The following TANK variants were observed in gnomAD, a reference collection of about 807,000 sequenced individuals.
TANK encodes the protein TRAF family member-associated NF-kappa-B activator.
In TANK, 15 loss-of-function variants were observed where a neutral mutation model predicts 43.6. The observed-to-expected ratio is 0.34, with a 90% CI of 0.23 to 0.53. The LOEUF is 0.53. Ranked by LOEUF, TANK falls within the 20% of genes least tolerant of loss-of-function variation. TANK has a pLI of 0.94. For synonymous variants in TANK, 162 were observed against 178.2 expected, an observed-to-expected ratio of 0.91 and a Z score of 0.73; for missense variants, 417 against 498.6, an observed-to-expected ratio of 0.84 and a Z score of 1.56.
At chr2:161,179,266 C>T (rs1685312081) in intron 1 of TANK, among the ~76,000 whole-genome samples, 2 of 151,982 alleles carry the variant, frequency 1.3e-5, no homozygotes, top group African/African-American at 4.8e-5. Flanking sequence ...AAATGAAATC[C>T]CTTCCCACAT....
chr2:161,142,280 C>T (rs1262330413), intron 1 of TANK, among the ~76,000 whole-genome samples: 1 of 151,960 alleles, frequency 6.6e-6, no homozygotes, highest in African/African-American at 2.4e-5. Flanking sequence ...TAGGCTGATG[C>T]TCACTCTAAT....
chr2:161,197,052 G>GA (rs1208327005), intron 2 of TANK, among the ~76,000 whole-genome samples: 3 of 152,154 alleles, frequency 2.0e-5, no homozygotes, highest in African/African-American at 7.2e-5. Flanking sequence ...CAGGAGTTCT[G>GA]AAAGGGTATA....
upstream of TANK, among the ~76,000 whole-genome samples, chr2:161,158,897 T>A (rs1052360746): frequency 3.3e-5 from 5 of 152,040 alleles, no homozygotes; most frequent in Non-Finnish European, 7.4e-5. Context: ...GGCCTTTACC[T>A]CCCCAAAGAA....
At chr2:161,188,640 T>G (rs1685773764) in intron 2 of TANK, among the ~76,000 whole-genome samples, 1 of 152,180 alleles carries the variant, frequency 6.6e-6, no homozygotes, top group African/African-American at 2.4e-5. Flanking sequence ...TTCCAAAAAC[T>G]TGAACAGTAT....
chr2:161,180,040 T>G, intron 2 of TANK: 1 of 1,056,856 alleles, frequency 9.5e-7, no homozygotes, highest in Non-Finnish European at 1.2e-6. Context: ...AATATCAGTA[T>G]TTATAAATAA....
chr2:161,223,549 T>C (rs1326958374), intron 4 of TANK: 7 of 157,070 alleles, frequency 4.5e-5, no homozygotes, highest in African/African-American at 1.7e-4. Context: ...TCAAAAGAAG[T>C]AGACACATAG....
rs1249038405 is a variant in TANK, at chr2:161,232,675, C to T, written c.1101+1124C>T. 5 of 1,473,492 alleles carry T rather than the reference C, an allele frequency of 3.4e-6. No homozygotes were observed. In the African/African-American group the frequency reaches 4.2e-5, roughly 12 times the overall value. The allele number at this position is 1,473,492 out of a possible 1,614,324, so 91.3% of individuals were successfully genotyped here. On this transcript the variant is annotated intron_variant, in intron 7 of 7. Transcript: ENST00000392749. ...ATTCCTGTGGAGCTGTGAAGTGCAT[C>T]AGTTCTAATGCTTGTTACTTTTTTC... is the stretch of plus-strand genomic sequence containing the variant.
intron 2 of TANK, among the ~76,000 whole-genome samples, chr2:161,184,696 G>A (rs1685579680): frequency 6.6e-6 from 1 of 152,120 alleles, no homozygotes; most frequent in Non-Finnish European, 1.5e-5. Flanking sequence ...CCTGGTATCT[G>A]GAATAAATTA....
chr2:161,137,476 T>C (rs968571481), intron 1 of TANK, among the ~76,000 whole-genome samples: 1 of 152,180 alleles, frequency 6.6e-6, no homozygotes. Context: ...ACCTCAATGA[T>C]TTTTTTAAGT....
At chr2:161,190,580 A>G (rs1443666463) in intron 2 of TANK, among the ~76,000 whole-genome samples, 1 of 152,206 alleles carries the variant, frequency 6.6e-6, no homozygotes, top group Non-Finnish European at 1.5e-5. Context: ...ATGAATGGAT[A>G]ACTGTAAGGT....
At chr2:161,227,592 A>C (rs1307367418) in intron 6 of TANK, among the ~76,000 whole-genome samples, 1 of 152,242 alleles carries the variant, frequency 6.6e-6, no homozygotes, top group Non-Finnish European at 1.5e-5. Context: ...ATGTACATAC[A>C]ATTATTATAA....
chr2:161,167,791 T>A (rs1684755428), intron 1 of TANK, among the ~76,000 whole-genome samples: 1 of 151,826 alleles, frequency 6.6e-6, no homozygotes, highest in Non-Finnish European at 1.5e-5. Flanking sequence ...ACCGGCTAAT[T>A]TTTTTGTATT....
At chr2:161,216,772 T>G (rs1485654300) in intron 4 of TANK, among the ~76,000 whole-genome samples, 2 of 152,118 alleles carry the variant, frequency 1.3e-5, no homozygotes, top group Non-Finnish European at 2.9e-5. Context: ...AAAGTTAAAT[T>G]TTCTACAAGA....
At chr2:161,205,800 T>C (rs1158416101) in intron 4 of TANK, among the ~76,000 whole-genome samples, 2 of 152,166 alleles carry the variant, frequency 1.3e-5, no homozygotes, top group Non-Finnish European at 2.9e-5. Flanking sequence ...TTTTGTTTTG[T>C]TTTGTTTTTG....
intron 1 of TANK, among the ~76,000 whole-genome samples, chr2:161,153,297 G>T (rs1057286130): frequency 6.6e-6 from 1 of 152,014 alleles, no homozygotes; most frequent in Non-Finnish European, 1.5e-5. Flanking sequence ...TAAGGCAACT[G>T]ATTGAAAGTC....
At chr2:161,205,100 G>C in intron 4 of TANK, 1 of 509,318 alleles carries the variant, frequency 2.0e-6, no homozygotes, top group Non-Finnish European at 2.8e-6. Context: ...CAAGGAGGGA[G>C]GATCACTTGA....
intron 4 of TANK, among the ~76,000 whole-genome samples, chr2:161,218,984 CTTAA>C (rs1277676690): frequency 1.3e-5 from 2 of 152,072 alleles, no homozygotes; most frequent in East Asian, 1.9e-4. Context: ...TGTGAGAAAT[CTTAA>C]TTAAATTGCT....
chr2:161,151,907 C>T (rs1453427019), intron 1 of TANK, among the ~76,000 whole-genome samples: 2 of 152,006 alleles, frequency 1.3e-5, no homozygotes, highest in African/African-American at 4.8e-5. Flanking sequence ...TAGTGGTATA[C>T]CATTTTATTC....
chr2:161,169,484 G>A (rs902527328), intron 1 of TANK, among the ~76,000 whole-genome samples: 1 of 152,130 alleles, frequency 6.6e-6, no homozygotes, highest in African/African-American at 2.4e-5. Context: ...GGAGGTAGGG[G>A]ATATTTAAAG....
Sources: gnomAD v4.1 joint callset for allele counts (sites outside exome capture counted in the v4.1 genomes callset) on GRCh38, gnomAD v4.1.1 for gene constraint, MANE v1.5 for transcripts, NCBI Gene and HGNC (gene_info 2026-07-23, HGNC 2026-07-21) for gene names.